FGFR1: variants seen among roughly 807,000 people sequenced by gnomAD.
The protein encoded by FGFR1 is fibroblast growth factor receptor 1.
A neutral mutation model predicts 93.7 loss-of-function variants in FGFR1; 18 were observed. The observed-to-expected ratio is 0.19, with a 90% CI of 0.13 to 0.28. The LOEUF (loss-of-function observed/expected upper bound fraction) is 0.28. Among genes scored for constraint, FGFR1 ranks in the 10% least tolerant of loss-of-function variants. The pLI is 1.00. For synonymous variants in FGFR1, 448 were observed against 429.3 expected, an observed-to-expected ratio of 1.04 and a Z score of -0.54; for missense variants, 731 against 1,080.4, an observed-to-expected ratio of 0.68 and a Z score of 4.53.
chr8:38,419,600 C>T lies in FGFR1; in HGVS notation c.1217G>A (p.Ser406Asn), dbSNP rs1586199308. The T allele has an allele frequency of 6.2e-7, 1 of 1,614,138 alleles. No individual in the cohort carries two copies. Among genetic ancestry groups the T allele is most frequent in the South Asian group, 1.1e-5 (1 of 91,076 alleles). The change falls in exon 9 of 18, where the codon AGT becomes AAT. Residue 406 changes from serine to asparagine, a missense_variant. Physicochemically the swap from Ser to Asn is conservative, Grantham distance 46. Transcript: ENST00000447712. ...VYKMKSGTKK[S>N]DFHSQMAVHK... is the part of the protein sequence containing the mutation. ...CACAGCCATCTGGCTGTGGAAGTCA[C>T]TCTTCTTGGTACCACTCTTCATCTT...
At chr8:38,438,624 C>T (rs1335319297) in intron 2 of FGFR1, among the ~76,000 whole-genome samples, 1 of 152,014 alleles carries the variant, frequency 6.6e-6, no homozygotes, top group Admixed American at 6.6e-5. Flanking sequence ...CCAAGATGGC[C>T]CAGCTAGGTT....
chr8:38,457,306 T>A lies in FGFR1; in HGVS notation c.91+50A>T, dbSNP rs541442375. On this transcript the variant is annotated intron_variant, in intron 2 of 17. Coordinates refer to ENST00000447712, the MANE Select transcript of FGFR1 (RefSeq NM_023110.3). ...ACCATATCACCTCCCTCCCAGCCCA[T>A]CCTGTTCCCAAGGCCCAGGAGTCCA... 16 of 1,599,114 alleles carry A rather than the reference T, an allele frequency of 1.0e-5. No individual in the cohort carries two copies. In the African/African-American group the frequency reaches 1.7e-4, roughly 17 times the overall value.
At position 38,429,554 on chromosome 8, in the gene FGFR1, CA is replaced by C. The variant is rs1193383881; in HGVS notation, c.358+127del. 1.9e-6 allele frequency: 2 copies of C among 1,065,040 alleles called. No individual in the cohort carries two copies. The highest frequency in any genetic ancestry group is 2.8e-6 in the Non-Finnish European group (2 of 726,412). 66.0% of individuals were successfully genotyped at this position (1,065,040 alleles called of 1,614,324 possible). A position where few individuals can be genotyped will look rare whatever the true frequency, so the allele number is the denominator to read the frequency against. On this transcript the variant is annotated intron_variant, in intron 3 of 17. Coordinates refer to ENST00000447712, the MANE Select transcript of FGFR1 (RefSeq NM_023110.3). The surrounding 1 kb of genome is among the most constrained non-coding windows in gnomAD (Gnocchi z 4.4). ...GCAGGCAGGGAGCAATGTTAGTGGG[CA>C]GCAGTTTCTGAAGCAGAGTGGGGGC...
At chr8:38,465,902 C>A (rs1010546377) in intron 1 of FGFR1, 53 of 225,310 alleles carry the variant, frequency 2.4e-4, no homozygotes, top group African/African-American at 1.0e-3. Context: ...ACCTTAATTA[C>A]CACGTCTAGA....
chr8:38,468,305 C>A lies in FGFR1; in HGVS notation c.-413G>T, dbSNP rs984098100. ...CGCCTCACTTTCCTTGCAGACCGGG[C>A]TCCATCGCCCTGCGGAGGCCCCGGC... On this transcript the variant is annotated 5_prime_UTR_variant, in exon 1 of 18. Transcript: ENST00000447712. 2 of 227,930 alleles carry A rather than the reference C, an allele frequency of 8.8e-6. No individual in the cohort carries two copies. Among genetic ancestry groups the A allele is most frequent in the East Asian group, 6.1e-5 (1 of 16,350 alleles). 14.1% of individuals were successfully genotyped at this position (227,930 alleles called of 1,614,324 possible).
chr8:38,425,801 G>C (rs1820557244), intron 6 of FGFR1: 1 of 402,694 alleles, frequency 2.5e-6, no homozygotes, highest in South Asian at 2.1e-5. Flanking sequence ...CTGGCATCTT[G>C]CTAGCATTAA....
chr8:38,424,771 C>A lies in FGFR1; in HGVS notation c.746-72G>T. 2 of 1,520,840 alleles carry A rather than the reference C, an allele frequency of 1.3e-6. No homozygotes were observed. Among genetic ancestry groups the A allele is most frequent in the East Asian group, 2.3e-5 (1 of 44,076 alleles). 94.2% of individuals were successfully genotyped at this position (1,520,840 alleles called of 1,614,324 possible). A position where few individuals can be genotyped will look rare whatever the true frequency, so the allele number is the denominator to read the frequency against. On this transcript the variant is annotated intron_variant, in intron 6 of 17. Transcript: ENST00000447712. The surrounding 1 kb of genome is among the most constrained non-coding windows in gnomAD (Gnocchi z 4.3). ...GGCTAAAGAGGGGTGGGCTCACCTG[C>A]GCCCCACTTGGCTTTCCCAGTGATG...
At position 38,418,609 on chromosome 8, in the gene FGFR1, G is replaced by A; in HGVS notation, c.1285-236C>T. ...ACTTCACTCACCTTTAAAATAAGCA[G>A]ACCAAATGCACCTCTTCCAGCTTGA... is the stretch of plus-strand genomic sequence containing the variant. On this transcript the variant is annotated intron_variant, in intron 9 of 17. Coordinates refer to ENST00000447712, the MANE Select transcript of FGFR1 (RefSeq NM_023110.3). 7 of 575,058 alleles carry A rather than the reference G, an allele frequency of 1.2e-5. 1 individual carries two copies. The South Asian group carries it at 1.5e-4, about 12-fold the overall frequency. The allele number at this position is 575,058 out of a possible 1,614,324, so 35.6% of individuals were successfully genotyped here. A position where few individuals can be genotyped will look rare whatever the true frequency, so the allele number is the denominator to read the frequency against.
At chr8:38,444,464 C>A (rs1828651918) in intron 2 of FGFR1, among the ~76,000 whole-genome samples, 1 of 151,478 alleles carries the variant, frequency 6.6e-6, no homozygotes, top group Non-Finnish European at 1.5e-5. Context: ...TTTCAGCTCA[C>A]TGCAGCCTCC....
intron 13 of FGFR1, 92 bp from the exon 14 acceptor site, chr8:38,414,993 C>T (rs767581987): frequency 9.0e-6 from 9 of 1,001,162 alleles, no homozygotes; most frequent in Non-Finnish European, 1.4e-5. Context: ...GCCGACTTGT[C>T]TCATAGAACT....
At chr8:38,422,220 G>A (rs977491418) in intron 7 of FGFR1, 20 of 498,562 alleles carry the variant, frequency 4.0e-5, no homozygotes, top group African/African-American at 3.1e-4. Flanking sequence ...CCGAGCATGC[G>A]GGCGGTGAGC....
chr8:38,417,289 G>T lies in FGFR1; in HGVS notation c.1663+17C>A. On this transcript the variant is annotated intron_variant, in intron 12 of 17. Transcript: ENST00000447712. ...TCTCCCCGCTGGGCAGGGAAAGCCA[G>T]TCTGGCCGGCACCCACCATCCTGCG... 6 of 1,602,324 alleles carry T rather than the reference G, an allele frequency of 3.7e-6. No homozygotes were observed. The highest frequency in any genetic ancestry group is 5.1e-6 in the Non-Finnish European group (6 of 1,171,518).
chr8:38,428,196 G>A (rs903001053), intron 4 of FGFR1, 103 bp from the exon 5 acceptor site: 3 of 1,537,122 alleles, frequency 2.0e-6, no homozygotes, highest in Non-Finnish European at 2.7e-6. Flanking sequence ...TTGCCCATCT[G>A]CCCAACACCT....
intron 2 of FGFR1, among the ~76,000 whole-genome samples, chr8:38,432,918 C>CA (rs1563530037): frequency 1.2e-4 from 17 of 140,904 alleles, no homozygotes; most frequent in Non-Finnish European, 2.5e-4. Context: ...GCCCCCCCCC[C>CA]TCCCCAGTTG....
At position 38,468,391 on chromosome 8, in the gene FGFR1, GA is replaced by G. The variant is rs1835981700; in HGVS notation, c.-500del. 1 of 228,364 alleles carries G rather than the reference GA, an allele frequency of 4.4e-6. No individual in the cohort carries two copies. The highest frequency in any genetic ancestry group is 1.8e-4 in the South Asian group (1 of 5,506). The allele number at this position is 228,364 out of a possible 1,614,324, so 14.1% of individuals were successfully genotyped here. A position where few individuals can be genotyped will look rare whatever the true frequency, so the allele number is the denominator to read the frequency against. Reference sequence around the variant, plus strand: ...CGCCCTGCGGGGCGCCCCGAGCTCGGACCGGAGAAAAGTCCTTGGGTTCCGC... The same window carrying G: ...CGCCCTGCGGGGCGCCCCGAGCTCGGCCGGAGAAAAGTCCTTGGGTTCCGC... On this transcript the variant is annotated 5_prime_UTR_variant, in exon 1 of 18. Transcript: ENST00000447712.
chr8:38,444,037 G>C (rs1828450894), intron 2 of FGFR1, among the ~76,000 whole-genome samples: 1 of 52,298 alleles, frequency 1.9e-5, no homozygotes, highest in Non-Finnish European at 3.5e-5. Context: ...TGGGCAACAA[G>C]AATGAAACTG....
At chr8:38,442,187 T>C (rs958111456) in intron 2 of FGFR1, among the ~76,000 whole-genome samples, 4 of 152,124 alleles carry the variant, frequency 2.6e-5, no homozygotes, top group Admixed American at 2.6e-4. Flanking sequence ...AAGGACCACT[T>C]AGGTGGACTG....
intron 1 of FGFR1, among the ~76,000 whole-genome samples, chr8:38,460,131 C>T (rs537854178): frequency 1.3e-5 from 2 of 152,164 alleles, no homozygotes; most frequent in African/African-American, 2.4e-5. Flanking sequence ...TGCAGTGAGC[C>T]GAGATTGCAT....
chr8:38,452,212 C>G (rs1019823723), intron 2 of FGFR1, among the ~76,000 whole-genome samples: 136 of 137,542 alleles, frequency 9.9e-4, no homozygotes, highest in East Asian at 2.2e-3. Flanking sequence ...CACACACACA[C>G]ACACACACAC....
Sources: allele counts gnomAD v4.1 joint callset (sites outside exome capture counted in the v4.1 genomes callset), GRCh38; gene constraint gnomAD v4.1.1; non-coding constraint Gnocchi (gnomAD v3.1); transcripts MANE v1.5; gene names NCBI Gene and HGNC (gene_info 2026-07-23, HGNC 2026-07-21).